EEIG2: variants seen among roughly 807,000 people sequenced by gnomAD.
The protein encoded by EEIG2 is family with sequence similarity 102 member B.
the EEIG2 span, among the ~76,000 whole-genome samples, chr1:108,607,769 T>G: frequency 6.6e-6 from 1 of 152,166 alleles, no homozygotes; most frequent in African/African-American, 2.4e-5. Context: ...TCCTCTTGAT[T>G]TTTCCCCTCT....
chr1:108,599,893 G>C, the EEIG2 span, among the ~76,000 whole-genome samples: 1 of 152,190 alleles, frequency 6.6e-6, no homozygotes, highest in Non-Finnish European at 1.5e-5. Context: ...TCAAGAGGCT[G>C]AGTGAGGCAG....
chr1:108,584,420 G>A, the EEIG2 span, among the ~76,000 whole-genome samples: 1 of 152,048 alleles, frequency 6.6e-6, no homozygotes, highest in Non-Finnish European at 1.5e-5. Context: ...AAGCATTGTG[G>A]CTTAAAAACT....
the EEIG2 span, among the ~76,000 whole-genome samples, chr1:108,594,378 C>T: frequency 2.6e-5 from 4 of 152,026 alleles, no homozygotes; most frequent in Non-Finnish European, 5.9e-5. Flanking sequence ...TGGAATTGTG[C>T]GGGGTAGAAG....
the EEIG2 span, among the ~76,000 whole-genome samples, chr1:108,632,863 C>T: frequency 6.6e-6 from 1 of 151,544 alleles, no homozygotes; most frequent in African/African-American, 2.4e-5. Flanking sequence ...GAGTGCGGCA[C>T]AATCTCAGCT....
chr1:108,628,520 A>C, the EEIG2 span: 1 of 1,614,164 alleles, frequency 6.2e-7, no homozygotes, highest in Non-Finnish European at 8.5e-7. Flanking sequence ...AATTGAGCAG[A>C]AAATCGCTGA....
At chr1:108,585,375 G>A in the EEIG2 span, among the ~76,000 whole-genome samples, 1 of 152,118 alleles carries the variant, frequency 6.6e-6, no homozygotes, top group Non-Finnish European at 1.5e-5. Flanking sequence ...TTAACTGTTT[G>A]TTAGAGTTTC....
chr1:108,623,118 C>G, the EEIG2 span, among the ~76,000 whole-genome samples: 1 of 151,620 alleles, frequency 6.6e-6, no homozygotes, highest in Non-Finnish European at 1.5e-5. Context: ...ATAAAAATCC[C>G]TATGTTAAAA....
the EEIG2 span, among the ~76,000 whole-genome samples, chr1:108,575,881 TTGAC>T: frequency 2.0e-3 from 303 of 152,316 alleles, 1 homozygote; most frequent in Non-Finnish European, 3.6e-3. Flanking sequence ...TGTTCTAAAA[TTGAC>T]TGGCGATAGT....
At chr1:108,616,222 T>C in the EEIG2 span, among the ~76,000 whole-genome samples, 1 of 151,582 alleles carries the variant, frequency 6.6e-6, no homozygotes, top group East Asian at 1.9e-4. Flanking sequence ...CTCAAACTCC[T>C]GGGCTCAAAC....
At chr1:108,597,080 C>T in the EEIG2 span, among the ~76,000 whole-genome samples, 1 of 152,134 alleles carries the variant, frequency 6.6e-6, no homozygotes, top group African/African-American at 2.4e-5. Flanking sequence ...AGACTTTCCT[C>T]ACTTATCTGC....
chr1:108,584,921 T>C, the EEIG2 span, among the ~76,000 whole-genome samples: 2 of 152,166 alleles, frequency 1.3e-5, no homozygotes, highest in African/African-American at 2.4e-5. Flanking sequence ...TTAGAAAAGA[T>C]TATTCATAGT....
At chr1:108,568,742 T>C in the EEIG2 span, among the ~76,000 whole-genome samples, 1 of 152,148 alleles carries the variant, frequency 6.6e-6, no homozygotes, top group Non-Finnish European at 1.5e-5. Flanking sequence ...GTCTTATTGC[T>C]CTCAGGGTAT....
At chr1:108,570,079 G>T in the EEIG2 span, among the ~76,000 whole-genome samples, 2 of 152,144 alleles carry the variant, frequency 1.3e-5, no homozygotes, top group African/African-American at 4.8e-5. Flanking sequence ...TTACCATACA[G>T]TGTACAATTT....
At chr1:108,595,676 G>C in the EEIG2 span, among the ~76,000 whole-genome samples, 43 of 150,732 alleles carry the variant, frequency 2.9e-4, 1 homozygote, top group African/African-American at 1.0e-3. Flanking sequence ...GAAGGAGGGA[G>C]GGAGGGAAAT....
At chr1:108,599,315 C>T in the EEIG2 span, among the ~76,000 whole-genome samples, 1 of 152,166 alleles carries the variant, frequency 6.6e-6, no homozygotes, top group Non-Finnish European at 1.5e-5. Flanking sequence ...AACTCACCTA[C>T]CAGTCCTATC....
the EEIG2 span, among the ~76,000 whole-genome samples, chr1:108,591,967 CAGGGGCTTAATCATAA>C: frequency 6.6e-6 from 1 of 152,180 alleles, no homozygotes; most frequent in Non-Finnish European, 1.5e-5. Context: ...TAAAGACAGA[CAGGGGCTTAATCATAA>C]AGAGGCCCCA....
chr1:108,592,949 G>A, the EEIG2 span, among the ~76,000 whole-genome samples: 1 of 152,026 alleles, frequency 6.6e-6, no homozygotes, highest in African/African-American at 2.4e-5. Context: ...CTTGAGTTTA[G>A]GAGTTTGAGA....
At chr1:108,567,913 C>A in the EEIG2 span, among the ~76,000 whole-genome samples, 2 of 152,020 alleles carry the variant, frequency 1.3e-5, no homozygotes, top group Non-Finnish European at 2.9e-5. Context: ...GTGGGAGAAT[C>A]TCTTGAGCTT....
the EEIG2 span, among the ~76,000 whole-genome samples, chr1:108,595,512 A>G: frequency 7.5e-6 from 1 of 132,536 alleles, no homozygotes; most frequent in South Asian, 2.8e-4. Flanking sequence ...AATTGTATGG[A>G]GAAAGGGAGG....
Sources: gnomAD v4.1 joint callset for allele counts (sites outside exome capture counted in the v4.1 genomes callset) on GRCh38, gnomAD v4.1.1 for gene constraint, MANE v1.5 for transcripts, NCBI Gene and HGNC (gene_info 2026-07-23, HGNC 2026-07-21) for gene names.